The following AJAP1 variants were observed in gnomAD, a reference collection of about 807,000 sequenced individuals.
AJAP1 encodes the protein adherens junctions associated protein 1, also known as adherens junction-associated protein 1.
AJAP1 carries 5 observed loss-of-function variants against 35.0 expected under a neutral mutation model. The ratio of observed to expected loss-of-function variants is 0.14; its 90% CI spans 0.07 to 0.30. The LOEUF (loss-of-function observed/expected upper bound fraction) is 0.30. Ranked by LOEUF, AJAP1 falls within the 10% of genes least tolerant of loss-of-function variation. The pLI is 1.00. For missense variants in AJAP1, 586 were observed against 571.0 expected (o/e 1.03, Z -0.27); for synonymous variants, 284 against 249.3 (o/e 1.14, Z -1.31).
Position 4,712,274 on chromosome 1 carries a change from C to T in AJAP1, c.404C>T (p.Ser135Leu), listed in dbSNP as rs778720275. The change falls in exon 2 of 6, where the codon TCG becomes TTG. Residue 135 changes from serine (S) to leucine (L), a missense_variant. Ser to Leu is a moderately radical substitution (Grantham distance 145). Coordinates refer to ENST00000378191, the MANE Select transcript of AJAP1 (RefSeq NM_018836.4). The stretch of plus-strand genomic sequence containing the variant: ...AGCCCTTCCCTCGCCTCTTCGTCCT[C>T]GTCCTCGTCCTCCGCGGTGGCCGGT... ...KSSPSLASSS[S>L]SSSSAVAGGA... is the part of the protein sequence containing the mutation. 18 of 1,513,496 alleles carry T rather than the reference C, an allele frequency of 1.2e-5. No individual in the cohort carries two copies. Among genetic ancestry groups the T allele is most frequent in the Admixed American group, 6.6e-5 (3 of 45,770 alleles). The allele number at this position is 1,513,496 out of a possible 1,614,324, so 93.8% of individuals were successfully genotyped here.
chr1:4,719,816 G>A (rs956524791), intron 2 of AJAP1, among the ~76,000 whole-genome samples: 12 of 152,188 alleles, frequency 7.9e-5, no homozygotes, highest in Non-Finnish European at 1.5e-5. Context: ...GAAGAATGCT[G>A]GAGAGGTGCG....
intron 1 of AJAP1, among the ~76,000 whole-genome samples, chr1:4,675,069 C>T (rs997249157): frequency 4.6e-5 from 7 of 152,110 alleles, no homozygotes; most frequent in South Asian, 2.1e-4. Flanking sequence ...GGCTGGAGAG[C>T]GGTGGGGGGG....
At position 4,774,429 on chromosome 1, in the gene AJAP1, C is replaced by G. The variant is rs1641902712; in HGVS notation, c.1166C>G (p.Pro389Arg). The G allele has an allele frequency of 1.2e-6, 2 of 1,614,058 alleles. No individual in the cohort carries two copies. The highest frequency in any genetic ancestry group is 1.7e-6 in the Non-Finnish European group (2 of 1,180,020). Residue 389 changes from proline (P) to arginine (R), a missense_variant and splice_region_variant, in exon 5 of 6, where the codon CCC becomes CGC. Pro to Arg is a moderately radical substitution (Grantham distance 103). Transcript: ENST00000378191. Reference protein sequence around the residue: ...EYKSTFNGNRPSSSDRHLIPV... With the variant: ...EYKSTFNGNRRSSSDRHLIPV... ...GCCCATTTTTCTGTTCACCGCAGAC[C>G]CTCCTCTTCTGATCGGCATCTTATT...
chr1:4,760,879 G>A (rs1176568152), intron 2 of AJAP1, among the ~76,000 whole-genome samples: 1 of 152,182 alleles, frequency 6.6e-6, no homozygotes, highest in East Asian at 1.9e-4. Flanking sequence ...TGCCCACTCT[G>A]GGATTCTTGG....
At chr1:4,669,991 AC>A (rs1372336026) in intron 1 of AJAP1, among the ~76,000 whole-genome samples, 1 of 152,300 alleles carries the variant, frequency 6.6e-6, no homozygotes, top group African/African-American at 2.4e-5. Flanking sequence ...CGGCACTGCT[AC>A]AGCATTTGTG....
chr1:4,740,663 G>A (rs1641044536), intron 2 of AJAP1, among the ~76,000 whole-genome samples: 2 of 151,350 alleles, frequency 1.3e-5, no homozygotes, highest in African/African-American at 2.4e-5. Flanking sequence ...GCGGGCGCCT[G>A]TAGTCCCAGC....
rs1639770287 is a variant in AJAP1 at position 4,692,626 on chromosome 1, T to G, written c.30-19274T>G. On this transcript the variant is annotated intron_variant, in intron 1 of 5. Transcript: ENST00000378191. This position sits in a 1 kb window ranked among gnomAD's most constrained non-coding sequence, Gnocchi z 4.4. ...GACCCCACAAATCAAGCCTCATCAT[T>G]CCTTCTCTCCCTGCCTCCTGTCCCG... Among the ~76,000 whole-genome samples the G allele has an allele frequency of 6.6e-6, 1 of 152,136 alleles. No individual in the cohort carries two copies. Among genetic ancestry groups the G allele is most frequent in the Non-Finnish European group, 1.5e-5 (1 of 68,040 alleles).
chr1:4,687,677 G>A (rs12747700), intron 1 of AJAP1, among the ~76,000 whole-genome samples: 46,575 of 152,022 alleles, frequency 0.31, 7,434 homozygotes, highest in Middle Eastern at 0.41. Context: ...AAACTGAATC[G>A]TAGAGTGAAC....
At chr1:4,688,740 C>T (rs1570113101) in intron 1 of AJAP1, among the ~76,000 whole-genome samples, 1 of 147,228 alleles carries the variant, frequency 6.8e-6, no homozygotes. Flanking sequence ...CCACTGCACT[C>T]CAGCCTAGGT....
Position 4,712,200 on chromosome 1 carries a change from C to A in AJAP1, c.330C>A (p.Ala110=). The A allele has an allele frequency of 6.4e-7, 1 of 1,565,618 alleles. No homozygotes were observed. The highest frequency in any genetic ancestry group is 8.6e-7 in the Non-Finnish European group (1 of 1,163,468). The stretch of plus-strand genomic sequence containing the variant: ...ACAGGCCCCGGGACCAGGCGGCCGC[C>A]CTCGTGCCCAAGGCAGGACTGGCCA... ...RAHRPRDQAA[A]LVPKAGLAKP... The change falls in exon 2 of 6, where the codon GCC becomes GCA. Residue 110 remains alanine (A), a synonymous_variant. Coordinates refer to ENST00000378191, the MANE Select transcript of AJAP1 (RefSeq NM_018836.4).
rs1320431605 is a variant in AJAP1 at position 4,656,008 on chromosome 1, T to A, written c.29+554T>A. ...GGCTCCCAGCTGCCGACCCAGCTGT[T>A]TGCGGGTGACCTCCGGGCCCGACGG... On this transcript the variant is annotated intron_variant, in intron 1 of 5. Coordinates refer to ENST00000378191, the MANE Select transcript of AJAP1 (RefSeq NM_018836.4). This position sits in a 1 kb window ranked among gnomAD's most constrained non-coding sequence, Gnocchi z 5.7. 1.1e-4 allele frequency among the ~76,000 whole-genome samples: 17 copies of A among 151,902 alleles called. No individual in the cohort carries two copies. The highest frequency in any genetic ancestry group is 3.3e-4 in the Admixed American group (5 of 15,278).
In AJAP1 at chr1:4,772,525, G is replaced by T; in HGVS notation, c.1163G>T (p.Arg388Leu). The change falls in exon 4 of 6, where the codon CGA becomes CTA. Residue 388 changes from arginine (R) to leucine (L), a missense_variant and splice_region_variant. Transcript: ENST00000378191. Reference sequence around the variant, plus strand: ...TACAAATCCACATTTAATGGAAACCGGTAAGCTCGGGCTCTGCTAGACCCT... The same window carrying T: ...TACAAATCCACATTTAATGGAAACCTGTAAGCTCGGGCTCTGCTAGACCCT... ...GEYKSTFNGN[R>L]PSSSDRHLIP... 1 of 1,613,502 alleles carries T rather than the reference G, an allele frequency of 6.2e-7. No individual in the cohort carries two copies. The highest frequency in any genetic ancestry group is 8.5e-7 in the Non-Finnish European group (1 of 1,179,570).
At position 4,787,387 on chromosome 1, in the gene AJAP1, GT is replaced by G. The variant is rs1642176344; in HGVS notation, c.*4904del. ...TGAAGGGGAAGAAAGAGAGGCAGGGGTTGTCTACGTCTCCTCCTCCTGCGAC... is the reference window on the plus strand; with the variant it reads ...TGAAGGGGAAGAAAGAGAGGCAGGGGTGTCTACGTCTCCTCCTCCTGCGAC... On this transcript the variant is annotated 3_prime_UTR_variant, in exon 6 of 6. Transcript: ENST00000378191. The G allele has an allele frequency of 3.8e-6, 1 of 264,216 alleles. No individual in the cohort carries two copies. Among genetic ancestry groups the G allele is most frequent in the African/African-American group, 2.3e-5 (1 of 43,404 alleles). 16.4% of individuals were successfully genotyped at this position (264,216 alleles called of 1,614,324 possible).
At position 4,774,529 on chromosome 1, in the gene AJAP1, G is replaced by T. The variant is rs776757275; in HGVS notation, c.*30G>T. The T allele has an allele frequency of 6.2e-7, 1 of 1,603,790 alleles. No homozygotes were observed. Among genetic ancestry groups the T allele is most frequent in the Admixed American group, 1.7e-5 (1 of 60,016 alleles). On this transcript the variant is annotated 3_prime_UTR_variant, in exon 5 of 6. Transcript: ENST00000378191. The stretch of plus-strand genomic sequence containing the variant: ...CCGAAGTCTTTTTTACCTCCTGGGG[G>T]CAGGGCAGACGCCGTGTGTCTGTTT...
At chr1:4,708,707 G>A (rs1640156267) in intron 1 of AJAP1, among the ~76,000 whole-genome samples, 1 of 152,212 alleles carries the variant, frequency 6.6e-6, no homozygotes, top group Non-Finnish European at 1.5e-5. Context: ...GGTCCGGGCA[G>A]CACACCAAGC....
At chr1:4,735,204 TAGA>T (rs1468362559) in intron 2 of AJAP1, among the ~76,000 whole-genome samples, 1 of 152,214 alleles carries the variant, frequency 6.6e-6, no homozygotes. Flanking sequence ...TCCTGGCTGC[TAGA>T]AGAAGACAAG....
chr1:4,771,244 T>C (rs981695350), intron 3 of AJAP1, among the ~76,000 whole-genome samples: 1 of 152,146 alleles, frequency 6.6e-6, no homozygotes, highest in Non-Finnish European at 1.5e-5. Context: ...ACTTTGTGGG[T>C]GGGGCTGCCC....
chr1:4,764,942 A>T (rs1033096668), intron 2 of AJAP1, among the ~76,000 whole-genome samples: 10 of 152,190 alleles, frequency 6.6e-5, no homozygotes, highest in Non-Finnish European at 1.5e-5. Context: ...TCAGGGCCTG[A>T]TCTTATTACA....
chr1:4,740,807 C>CG (rs143343372), intron 2 of AJAP1, among the ~76,000 whole-genome samples: 10,491 of 125,362 alleles, frequency 0.084, 505 homozygotes, highest in Non-Finnish European at 0.11. Context: ...AAAAAAAAAG[C>CG]GGGGGGGGCT....
Sources: gnomAD v4.1 joint callset for allele counts (sites outside exome capture counted in the v4.1 genomes callset) on GRCh38, gnomAD v4.1.1 for gene constraint, Gnocchi (gnomAD v3.1) non-coding constraint, MANE v1.5 for transcripts, NCBI Gene and HGNC (gene_info 2026-07-23, HGNC 2026-07-21) for gene names.